The following TMCC3 variants were observed in gnomAD, a reference collection of about 807,000 sequenced individuals.
TMCC3 encodes the protein transmembrane and coiled-coil domain protein 3.
A neutral mutation model predicts 40.2 loss-of-function variants in TMCC3; 28 were observed. The observed-to-expected ratio is 0.70, with a 90% CI of 0.52 to 0.95. The LOEUF is 0.95. Among genes scored for constraint, TMCC3 ranks in the 40% least tolerant of loss-of-function variants. The probability of loss-of-function intolerance (pLI) is 0.00; values close to 1 mark genes in which losing one functional copy is unlikely to be tolerated. For missense variants in TMCC3, 554 were observed against 615.2 expected, an observed-to-expected ratio of 0.90 and a Z score of 1.05; for synonymous variants, 255 against 248.5, an observed-to-expected ratio of 1.03 and a Z score of -0.25.
rs1483884817 is a variant in TMCC3, at chr12:94,567,224, C to A, written c.*4211G>T. On this transcript the variant is annotated 3_prime_UTR_variant, in exon 4 of 4. Transcript: ENST00000261226. ...TGCTTTGGATTCATTGATGACACCACAATGGGGTGAAGATCTACAGGGAAT... is the reference window on the plus strand; with the variant it reads ...TGCTTTGGATTCATTGATGACACCAAAATGGGGTGAAGATCTACAGGGAAT... 3.3e-5 allele frequency: 5 copies of A among 152,134 alleles called. No homozygotes were observed. Among genetic ancestry groups the A allele is most frequent in the African/African-American group, 1.2e-4 (5 of 41,428 alleles). The allele number at this position is 152,134 out of a possible 1,614,324, so 9.4% of individuals were successfully genotyped here.
At chr12:94,649,351 A>G (rs80298171) in intron 1 of TMCC3, among the ~76,000 whole-genome samples, 6,935 of 152,274 alleles carry the variant, frequency 0.046, 505 homozygotes, top group African/African-American at 0.16. Context: ...CGATCTTGGA[A>G]GTGGCAGGCC....
chr12:94,638,460 C>T (rs542837045), intron 1 of TMCC3, among the ~76,000 whole-genome samples: 1 of 152,204 alleles, frequency 6.6e-6, no homozygotes, highest in African/African-American at 2.4e-5. Context: ...CATCCCTCGA[C>T]CATATCCTTT....
intron 1 of TMCC3, among the ~76,000 whole-genome samples, chr12:94,646,077 G>A (rs2069016449): frequency 1.3e-5 from 2 of 152,170 alleles, no homozygotes; most frequent in East Asian, 3.8e-4. Flanking sequence ...TCTGTATTCT[G>A]GGGACTATCC....
At chr12:94,602,497 T>C (rs760816855) in intron 1 of TMCC3, among the ~76,000 whole-genome samples, 7 of 152,218 alleles carry the variant, frequency 4.6e-5, no homozygotes, top group Non-Finnish European at 7.3e-5. Context: ...AAAGACGAAG[T>C]TCCATGAACG....
intron 1 of TMCC3, among the ~76,000 whole-genome samples, chr12:94,619,551 G>A (rs1413980915): frequency 1.3e-5 from 2 of 152,190 alleles, no homozygotes; most frequent in Admixed American, 6.5e-5. Flanking sequence ...AGACTCAGCT[G>A]AGCCCAGGAA....
chr12:94,571,704 T>C lies in TMCC3; in HGVS notation c.1165A>G (p.Lys389Glu). Residue 389 changes from lysine (K) to glutamate (E), a missense_variant, in exon 4 of 4, where the codon AAG becomes GAG. Transcript: ENST00000261226. ...ALESCQTRIS[K>E]LELHQQEQQA... ...TGCTCTTGCTGGTGGAGCTCCAGCT[T>C]AGAAATGCGAGTCTGGCAGGATTCC... 6.2e-7 allele frequency: 1 copy of C among 1,614,064 alleles called. No homozygotes were observed. Among genetic ancestry groups the C allele is most frequent in the Non-Finnish European group, 8.5e-7 (1 of 1,179,992 alleles).
chr12:94,614,688 C>G, intron 1 of TMCC3, among the ~76,000 whole-genome samples: 1 of 151,866 alleles, frequency 6.6e-6, no homozygotes, highest in Non-Finnish European at 1.5e-5. Context: ...CACAGTGTTA[C>G]GAGGCTATTG....
chr12:94,579,486 G>A (rs768284307), intron 2 of TMCC3, among the ~76,000 whole-genome samples: 4 of 152,284 alleles, frequency 2.6e-5, no homozygotes, highest in East Asian at 1.9e-4. Context: ...TAGCCTAGGC[G>A]ACAGAGCAAG....
At chr12:94,625,073 C>T (rs1282908645) in intron 1 of TMCC3, among the ~76,000 whole-genome samples, 2 of 149,670 alleles carry the variant, frequency 1.3e-5, no homozygotes, top group African/African-American at 5.0e-5. Flanking sequence ...ATCCGGGAGG[C>T]CAAGGTTGCA....
intron 1 of TMCC3, among the ~76,000 whole-genome samples, chr12:94,642,309 T>C (rs1458871160): frequency 6.6e-6 from 1 of 152,240 alleles, no homozygotes; most frequent in African/African-American, 2.4e-5. Context: ...TGGAATGGTC[T>C]GGAGTTAATA....
At chr12:94,639,771 A>G (rs1483693087) in intron 1 of TMCC3, among the ~76,000 whole-genome samples, 1 of 151,398 alleles carries the variant, frequency 6.6e-6, no homozygotes, top group Non-Finnish European at 1.5e-5. Flanking sequence ...TAAGAAAAAA[A>G]AAAAAAAAAG....
intron 3 of TMCC3, among the ~76,000 whole-genome samples, chr12:94,578,177 AAAAG>A (rs1470737070): frequency 6.7e-6 from 1 of 149,678 alleles, no homozygotes; most frequent in African/African-American, 2.5e-5. Context: ...AAGAAAAAGA[AAAAG>A]AAAAAAAAAA....
At chr12:94,577,508 T>C (rs1203165983) in intron 3 of TMCC3, among the ~76,000 whole-genome samples, 2 of 152,122 alleles carry the variant, frequency 1.3e-5, no homozygotes, top group South Asian at 2.1e-4. Context: ...GATGAGTGAA[T>C]AGGCTCAAGT....
intron 1 of TMCC3, among the ~76,000 whole-genome samples, chr12:94,600,386 T>G (rs1380032464): frequency 1.3e-5 from 2 of 152,060 alleles, no homozygotes; most frequent in Non-Finnish European, 2.9e-5. Context: ...TTTCCTTGTT[T>G]TCAGTGTTCT....
Position 94,582,018 on chromosome 12 carries a change from A to G in TMCC3, c.599T>C (p.Phe200Ser). Residue 200 changes from phenylalanine (F) to serine (S), a missense_variant, in exon 2 of 4, where the codon TTC (phenylalanine) becomes TCC (serine). Coordinates refer to ENST00000261226, the MANE Select transcript of TMCC3 (RefSeq NM_020698.4). ...GTTGGCAAACTCTCTGGACTTATTGAAAACGAACACAGGTGGAGTAAGTGA... is the reference window on the plus strand; with the variant it reads ...GTTGGCAAACTCTCTGGACTTATTGGAAACGAACACAGGTGGAGTAAGTGA... ...GVSLTPPVFVFNKSREFANLI... is the reference protein window; with the variant it reads ...GVSLTPPVFVSNKSREFANLI... 1 of 1,614,156 alleles carries G rather than the reference A, an allele frequency of 6.2e-7. No homozygotes were observed. Among genetic ancestry groups the G allele is most frequent in the Admixed American group, 1.7e-5 (1 of 60,022 alleles).
chr12:94,649,003 T>C (rs1259582387), intron 1 of TMCC3, among the ~76,000 whole-genome samples: 2 of 152,248 alleles, frequency 1.3e-5, no homozygotes, highest in East Asian at 3.8e-4. Flanking sequence ...ATTTCTTCAA[T>C]GTTTATTCCA....
At chr12:94,590,372 T>C (rs978794434) in intron 1 of TMCC3, among the ~76,000 whole-genome samples, 7 of 150,012 alleles carry the variant, frequency 4.7e-5, no homozygotes, top group East Asian at 2.0e-4. Context: ...TTCTAAAATA[T>C]AAACAGTGAT....
intron 1 of TMCC3, among the ~76,000 whole-genome samples, chr12:94,595,532 A>C (rs1231776103): frequency 6.6e-6 from 1 of 152,144 alleles, no homozygotes; most frequent in African/African-American, 2.4e-5. Context: ...TCATAATTAA[A>C]TTTTTCTCTG....
intron 1 of TMCC3, among the ~76,000 whole-genome samples, chr12:94,610,430 A>C (rs1380126617): frequency 1.0e-5 from 1 of 100,380 alleles, no homozygotes; most frequent in African/African-American, 3.1e-5. Context: ...TAAGGCAGGC[A>C]AAAAAAAAAA....
Sources: gnomAD v4.1 joint callset for allele counts (sites outside exome capture counted in the v4.1 genomes callset) on GRCh38, gnomAD v4.1.1 for gene constraint, MANE v1.5 for transcripts, NCBI Gene and HGNC (gene_info 2026-07-23, HGNC 2026-07-21) for gene names.